CFAP20DC: variants seen among roughly 807,000 people sequenced by gnomAD.
The protein encoded by CFAP20DC is CFAP20 domain containing.
In CFAP20DC, 84 loss-of-function variants were observed where a neutral mutation model predicts 101.7. That is an observed-to-expected ratio of 0.83 (90% CI 0.69 to 0.99). CFAP20DC has a LOEUF of 0.99. CFAP20DC is among the 50% of genes least tolerant of loss of function. The pLI, the probability that CFAP20DC is intolerant of heterozygous loss-of-function variation, is 0.00. For missense variants in CFAP20DC, 1,007 were observed against 970.3 expected (o/e 1.04, Z -0.50); for synonymous variants, 359 against 351.2 (o/e 1.02, Z -0.25).
chr3:58,769,481 T>C (rs2070637589), intron 15 of CFAP20DC, among the ~76,000 whole-genome samples: 2 of 152,150 alleles, frequency 1.3e-5, no homozygotes. Context: ...AAATGTTTGC[T>C]GAATGAATGC....
intron 4 of CFAP20DC, among the ~76,000 whole-genome samples, chr3:59,029,888 A>G (rs1194129067): frequency 6.6e-6 from 1 of 152,174 alleles, no homozygotes; most frequent in Non-Finnish European, 1.5e-5. Context: ...ATGCCTGACA[A>G]TAAGAGGAAT....
chr3:58,958,571 C>A (rs1170958519), intron 4 of CFAP20DC, among the ~76,000 whole-genome samples: 1 of 152,160 alleles, frequency 6.6e-6, no homozygotes, highest in Non-Finnish European at 1.5e-5. Context: ...GTTTCATATT[C>A]CATCAGCAAA....
In CFAP20DC at chr3:58,816,928, C is replaced by T. The variant is rs181233764; in HGVS notation, c.2176-10472G>A. Reference sequence around the variant, plus strand: ...GAAGAGAGCAGTGGTTCTCCCAGCACGCAGCTGGAGATCTGAGAACCAGCA... The same window carrying T: ...GAAGAGAGCAGTGGTTCTCCCAGCATGCAGCTGGAGATCTGAGAACCAGCA... On this transcript the variant is annotated intron_variant, in intron 14 of 16. Coordinates refer to ENST00000482387, the MANE Select transcript of CFAP20DC (RefSeq NM_001394063.1). Among the ~76,000 whole-genome samples, 80 of 152,312 alleles carry T rather than the reference C, an allele frequency of 5.3e-4. No homozygotes were observed. In the East Asian group the frequency reaches 0.012, roughly 23 times the overall value.
chr3:58,820,543 A>C (rs1262410676), intron 14 of CFAP20DC, among the ~76,000 whole-genome samples: 6 of 151,462 alleles, frequency 4.0e-5, no homozygotes, highest in Non-Finnish European at 8.9e-5. Flanking sequence ...CCCATTCACA[A>C]TTGCTTCAAA....
intron 5 of CFAP20DC, among the ~76,000 whole-genome samples, chr3:58,928,619 A>G (rs1002201476): frequency 1.3e-5 from 2 of 152,206 alleles, no homozygotes; most frequent in Non-Finnish European, 2.9e-5. Context: ...GTAATAAAAT[A>G]TAGAGTAATT....
chr3:58,813,332 T>A lies in CFAP20DC; in HGVS notation c.2176-6876A>T, dbSNP rs73837968. ...TGTTCTATAACGGGAAAAAATTCCA[T>A]CCTCTTTTTGAACATCAGCTCTAAG... On this transcript the variant is annotated intron_variant, in intron 14 of 16. Transcript: ENST00000482387. Among the ~76,000 whole-genome samples, 708 of 152,084 alleles carry A rather than the reference T, an allele frequency of 4.7e-3. 28 individuals are homozygous for A. The highest frequency in any genetic ancestry group is 0.016 in the African/African-American group (669 of 41,380).
intron 6 of CFAP20DC, among the ~76,000 whole-genome samples, chr3:58,904,034 A>C (rs913613848): frequency 6.6e-6 from 1 of 152,126 alleles, no homozygotes; most frequent in African/African-American, 2.4e-5. Flanking sequence ...CCATTTCTGC[A>C]AAAAAGCCCA....
chr3:58,752,147 A>C (rs535507886), intron 16 of CFAP20DC, among the ~76,000 whole-genome samples: 1 of 152,338 alleles, frequency 6.6e-6, no homozygotes, highest in East Asian at 1.9e-4. Context: ...ACATGCCATT[A>C]ACCAAATAGG....
intron 4 of CFAP20DC, among the ~76,000 whole-genome samples, chr3:59,016,135 T>C (rs1576724251): frequency 6.6e-6 from 1 of 152,062 alleles, no homozygotes; most frequent in African/African-American, 2.4e-5. Context: ...TAAGTGTCCA[T>C]CAATGAATGA....
At chr3:58,718,961 G>C (rs575857278) in intron 3 of CFAP20DC, among the ~76,000 whole-genome samples, 1 of 152,166 alleles carries the variant, frequency 6.6e-6, no homozygotes, top group African/African-American at 2.4e-5. Flanking sequence ...TGCTGCTTTT[G>C]GCCAGGTGTG....
chr3:58,814,383 A>C (rs1021824401), intron 14 of CFAP20DC, among the ~76,000 whole-genome samples: 3 of 151,688 alleles, frequency 2.0e-5, no homozygotes, highest in African/African-American at 7.3e-5. Context: ...ATCTATGACA[A>C]ACCCACAGCC....
At chr3:58,939,159 C>T (rs542233414) in intron 4 of CFAP20DC, among the ~76,000 whole-genome samples, 1 of 152,238 alleles carries the variant, frequency 6.6e-6, no homozygotes, top group Admixed American at 6.5e-5. Flanking sequence ...TCTCATTATA[C>T]AGTAGTATAG....
At chr3:58,991,821 G>C (rs2092948145) in intron 4 of CFAP20DC, among the ~76,000 whole-genome samples, 3 of 152,084 alleles carry the variant, frequency 2.0e-5, no homozygotes, top group African/African-American at 7.2e-5. Context: ...GTTCCTAACA[G>C]GTCACCTACA....
chr3:58,857,025 T>C (rs1037977841), intron 12 of CFAP20DC, among the ~76,000 whole-genome samples: 3 of 152,120 alleles, frequency 2.0e-5, no homozygotes, highest in African/African-American at 7.2e-5. Flanking sequence ...ATTAATGCAA[T>C]AGATGTTTAT....
chr3:59,039,628 A>C lies in CFAP20DC; in HGVS notation c.207T>G (p.Leu69=), dbSNP rs6446004. 161 of 1,518,426 alleles carry C rather than the reference A, an allele frequency of 1.1e-4. 1 individual carries two copies. In the African/African-American group the frequency reaches 1.6e-3, roughly 15 times the overall value. 94.1% of individuals were successfully genotyped at this position (1,518,426 alleles called of 1,614,324 possible). The change falls in exon 4 of 17, where the codon CTT becomes CTG. Residue 69 remains leucine, a splice_region_variant and synonymous_variant. Coordinates refer to ENST00000482387, the MANE Select transcript of CFAP20DC (RefSeq NM_001394063.1). ...GTACAAGAAACCTCTGGATCAATCCAACTAGAATGAAGAGGAAATACACAT... is the reference window on the plus strand; with the variant it reads ...GTACAAGAAACCTCTGGATCAATCCCACTAGAATGAAGAGGAAATACACAT... ...IQLPKENKQS[L]GLIQRFLVLQ... is the part of the protein sequence containing the mutation.
At chr3:59,004,155 A>T (rs2093377752) in intron 4 of CFAP20DC, among the ~76,000 whole-genome samples, 2 of 152,148 alleles carry the variant, frequency 1.3e-5, no homozygotes, top group African/African-American at 2.4e-5. Flanking sequence ...TGAGGACAGG[A>T]ATTTTCATCT....
chr3:58,779,559 G>T (rs896129453), intron 15 of CFAP20DC, among the ~76,000 whole-genome samples: 15 of 152,054 alleles, frequency 9.9e-5, no homozygotes, highest in Non-Finnish European at 2.2e-4. Context: ...TTCATTGAAT[G>T]AAATAGAAAA....
At chr3:58,819,317 C>T (rs1255767380) in intron 14 of CFAP20DC, among the ~76,000 whole-genome samples, 10 of 152,000 alleles carry the variant, frequency 6.6e-5, no homozygotes, top group African/African-American at 2.2e-4. Context: ...GAAATAGAGA[C>T]ACAAAAAACC....
Position 58,722,470 on chromosome 3 carries a change from T to C in CFAP20DC, c.198-4842A>G, listed in dbSNP as rs2067486521. 6.6e-6 allele frequency among the ~76,000 whole-genome samples: 1 copy of C among 152,192 alleles called. No individual in the cohort carries two copies. Among genetic ancestry groups the C allele is most frequent in the Non-Finnish European group, 1.5e-5 (1 of 68,044 alleles). Reference sequence around the variant, plus strand: ...AGGGTGGCAACTGAGTCGGTTACAATCATCTGAACTATCATCAGATTGGAA... The same window carrying C: ...AGGGTGGCAACTGAGTCGGTTACAACCATCTGAACTATCATCAGATTGGAA... On this transcript the variant is annotated intron_variant, in intron 3 of 3. Coordinates refer to the CFAP20DC transcript ENST00000486145. This position sits in a 1 kb window ranked among gnomAD's most constrained non-coding sequence, Gnocchi z 4.5.
Sources: gnomAD v4.1 joint callset for allele counts (sites outside exome capture counted in the v4.1 genomes callset) on GRCh38, gnomAD v4.1.1 for gene constraint, Gnocchi (gnomAD v3.1) non-coding constraint, MANE v1.5 for transcripts, NCBI Gene and HGNC (gene_info 2026-07-23, HGNC 2026-07-21) for gene names.